Variants in AEBP1 observed in about 807,000 individuals in gnomAD.
AEBP1 encodes AE binding protein 1.
AEBP1 carries 69 observed loss-of-function variants against 116.5 expected under a neutral mutation model. The ratio of observed to expected loss-of-function variants is 0.59; its 90% confidence interval spans 0.49 to 0.72. AEBP1 has a LOEUF of 0.72. AEBP1 is among the 30% of genes least tolerant of loss of function. AEBP1 has a pLI of 0.00. For missense variants in AEBP1, 1,444 were observed against 1,557.5 expected, an observed-to-expected ratio of 0.93 and a Z score of 1.23; for synonymous variants, 627 against 627.3, an observed-to-expected ratio of 1.00 and a Z score of 0.01.
In AEBP1 at chr7:44,109,191, G is replaced by A. The variant is rs2128808539; in HGVS notation, c.1096+7G>A. The A allele has an allele frequency of 6.2e-6, 10 of 1,613,736 alleles. No individual in the cohort carries two copies. The highest frequency in any genetic ancestry group is 8.5e-6 in the Non-Finnish European group (10 of 1,179,974). ...AAGGGCAAGGACCACAAAGGTGTGT[G>A]GCTGGGGCTTGGGGCCTGGGTCCCT... On this transcript the variant is annotated splice_region_variant and intron_variant, in intron 8 of 20. Coordinates refer to ENST00000223357, the MANE Select transcript of AEBP1 (RefSeq NM_001129.5).
At position 44,112,758 on chromosome 7, in the gene AEBP1, T is replaced by C. The variant is rs1321862950; in HGVS notation, c.2418T>C (p.Thr806=). The C allele has an allele frequency of 6.2e-7, 1 of 1,613,066 alleles. No homozygotes were observed. The highest frequency in any genetic ancestry group is 2.2e-5 in the East Asian group (1 of 44,878). ...DEDEVSEAQE[T]PDHAIFRWLA... The stretch of plus-strand genomic sequence containing the variant: ...ACGAGGTCTCCGAGGCCCAGGAGAC[T>C]CCAGACCACGCCATCTTCCGGTGGC... The change falls in exon 18 of 21, where the codon ACT becomes ACC. Residue 806 remains threonine (T), a synonymous_variant. Transcript: ENST00000223357. The surrounding 1 kb of genome is among the most constrained non-coding windows in gnomAD (Gnocchi z 6.6).
chr7:44,111,613 C>A lies in AEBP1; in HGVS notation c.1823C>A (p.Pro608His), dbSNP rs1271790813. 1 of 1,613,178 alleles carries A rather than the reference C, an allele frequency of 6.2e-7. No homozygotes were observed. ...TATGCCATGGAGATCTCAGACAACC[C>A]TGGGGAGCATGAACTGGGTGAGGGT... ...KIYAMEISDN[P>H]GEHELGEPEF... Residue 608 changes from proline to histidine, a missense_variant, in exon 15 of 21, where the codon CCT (proline) becomes CAT (histidine). By Grantham distance (77) the Pro-to-His change is moderately conservative. Transcript: ENST00000223357. This position sits in a 1 kb window ranked among gnomAD's most constrained non-coding sequence, Gnocchi z 4.7.
rs1009853021 is a variant in AEBP1, at chr7:44,108,638, C to T, written c.941-261C>T. Among the ~76,000 whole-genome samples the T allele has an allele frequency of 3.3e-5, 5 of 152,188 alleles. No individual in the cohort carries two copies. Among genetic ancestry groups the T allele is most frequent in the African/African-American group, 9.7e-5 (4 of 41,440 alleles). On this transcript the variant is annotated intron_variant, in intron 6 of 20. Coordinates refer to ENST00000223357, the MANE Select transcript of AEBP1 (RefSeq NM_001129.5). The surrounding 1 kb of genome is among the most constrained non-coding windows in gnomAD (Gnocchi z 5.0). ...GCCAGTTGTCCCTCCAGGCCTTTCC[C>T]ATGCCCTGGGCCTCGAGTCCTTTCC...
In AEBP1 at chr7:44,108,919, C is replaced by T; in HGVS notation, c.961C>T (p.Pro321Ser). Reference sequence around the variant, plus strand: ...CATAGTGGACTATTACTTTGGGCCTCCTCCGCCCCAGAAGCCCGATGCTGA... The same window carrying T: ...CATAGTGGACTATTACTTTGGGCCTTCTCCGCCCCAGAAGCCCGATGCTGA... ...YDDMDYYFGP[P>S]PPQKPDAERQ... is the part of the protein sequence containing the mutation. Residue 321 changes from proline (P) to serine (S), a missense_variant, in exon 7 of 21, where the codon CCT becomes TCT. Pro to Ser is a moderately conservative substitution (Grantham distance 74). Coordinates refer to ENST00000223357, the MANE Select transcript of AEBP1 (RefSeq NM_001129.5). This position sits in a 1 kb window ranked among gnomAD's most constrained non-coding sequence, Gnocchi z 5.0. 6.3e-7 allele frequency: 1 copy of T among 1,591,034 alleles called. No homozygotes were observed. Among genetic ancestry groups the T allele is most frequent in the South Asian group, 1.1e-5 (1 of 87,698 alleles).
At position 44,107,967 on chromosome 7, in the gene AEBP1, A is replaced by AT. The variant is rs760381088; in HGVS notation, c.862+36_862+37insT. The AT allele has an allele frequency of 5.7e-4, 802 of 1,413,048 alleles. 9 individuals carry two copies. The African/African-American group carries it at 0.019, about 34-fold the overall frequency. 87.5% of individuals were successfully genotyped at this position (1,413,048 alleles called of 1,614,324 possible). A position where few individuals can be genotyped will look rare whatever the true frequency, so the allele number is the denominator to read the frequency against. On this transcript the variant is annotated intron_variant, in intron 5 of 20. Transcript: ENST00000223357. This position sits in a 1 kb window ranked among gnomAD's most constrained non-coding sequence, Gnocchi z 4.3. ...GGGCAGGAGAGGAGGTGCCATGGCC[A>AT]CGGCGCTCTGGCCCCCTCCTAACCT...
At position 44,104,447 on chromosome 7, in the gene AEBP1, C is replaced by T. The variant is rs1020106789; in HGVS notation, c.-219C>T. Reference sequence around the variant, plus strand: ...GGAGCGCCCCGACCACCCCTGAGCCCCTCTGGCTTCGGAGCCCCCCAGCAC... The same window carrying T: ...GGAGCGCCCCGACCACCCCTGAGCCTCTCTGGCTTCGGAGCCCCCCAGCAC... On this transcript the variant is annotated 5_prime_UTR_variant, in exon 1 of 21. Coordinates refer to ENST00000223357, the MANE Select transcript of AEBP1 (RefSeq NM_001129.5). 9 of 412,902 alleles carry T rather than the reference C, an allele frequency of 2.2e-5. No homozygotes were observed. The highest frequency in any genetic ancestry group is 1.5e-4 in the African/African-American group (7 of 47,634). 25.6% of individuals were successfully genotyped at this position (412,902 alleles called of 1,614,324 possible). A position where few individuals can be genotyped will look rare whatever the true frequency, so the allele number is the denominator to read the frequency against.
chr7:44,107,972 G>T lies in AEBP1; in HGVS notation c.863-35G>T. ...GGAGAGGAGGTGCCATGGCCACGGC[G>T]CTCTGGCCCCCTCCTAACCTCCCCG... On this transcript the variant is annotated intron_variant, in intron 5 of 20. Coordinates refer to ENST00000223357, the MANE Select transcript of AEBP1 (RefSeq NM_001129.5). This position sits in a 1 kb window ranked among gnomAD's most constrained non-coding sequence, Gnocchi z 4.3. 6.6e-7 allele frequency: 1 copy of T among 1,515,000 alleles called. No homozygotes were observed. Among genetic ancestry groups the T allele is most frequent in the Admixed American group, 1.9e-5 (1 of 51,838 alleles). 93.8% of individuals were successfully genotyped at this position (1,515,000 alleles called of 1,614,324 possible). A position where few individuals can be genotyped will look rare whatever the true frequency, so the allele number is the denominator to read the frequency against.
At position 44,113,228 on chromosome 7, in the gene AEBP1, AGCAGCCCTCACCTGC is replaced by A. The variant is rs762452707; in HGVS notation, c.2710-23_2710-9del. On this transcript the variant is annotated splice_polypyrimidine_tract_variant and intron_variant, in intron 19 of 20. Coordinates refer to ENST00000223357, the MANE Select transcript of AEBP1 (RefSeq NM_001129.5). This position sits in a 1 kb window ranked among gnomAD's most constrained non-coding sequence, Gnocchi z 5.3. Reference sequence around the variant, plus strand: ...ACCACATTGGACCTTCCTGAGGACCAGCAGCCCTCACCTGCTTCCCTAGGTGCACCGCGGCATTAA... The same window carrying A: ...ACCACATTGGACCTTCCTGAGGACCATTCCCTAGGTGCACCGCGGCATTAA... The A allele has an allele frequency of 2.5e-6, 4 of 1,613,290 alleles. No individual in the cohort carries two copies. In the East Asian group the frequency reaches 8.9e-5, roughly 36 times the overall value.
rs753375693 is a variant in AEBP1 at position 44,113,776 on chromosome 7, G to C, written c.2992G>C (p.Gly998Arg). Residue 998 changes from glycine (G) to arginine (R), a missense_variant, in exon 21 of 21, where the codon GGG becomes CGG. Transcript: ENST00000223357. This position sits in a 1 kb window ranked among gnomAD's most constrained non-coding sequence, Gnocchi z 5.3. ...KRIREIMAMNGNRPIPHIDPS... is the reference protein window; with the variant it reads ...KRIREIMAMNRNRPIPHIDPS... Reference sequence around the variant, plus strand: ...CATCCGGGAGATCATGGCCATGAACGGGAACCGGCCTATCCCACACATAGA... The same window carrying C: ...CATCCGGGAGATCATGGCCATGAACCGGAACCGGCCTATCCCACACATAGA... 8.7e-6 allele frequency: 14 copies of C among 1,613,914 alleles called. No homozygotes were observed. Among genetic ancestry groups the C allele is most frequent in the Non-Finnish European group, 9.3e-6 (11 of 1,179,960 alleles).
At position 44,107,471 on chromosome 7, in the gene AEBP1, G is replaced by A. The variant is rs745946741; in HGVS notation, c.628G>A (p.Gly210Arg). The A allele has an allele frequency of 6.2e-7, 1 of 1,613,452 alleles. No individual in the cohort carries two copies. Among genetic ancestry groups the A allele is most frequent in the Admixed American group, 1.7e-5 (1 of 60,028 alleles). The change falls in exon 3 of 21, where the codon GGA becomes AGA. Residue 210 changes from glycine (G) to arginine (R), a missense_variant. By Grantham distance (125) the Gly-to-Arg change is moderately radical. Coordinates refer to ENST00000223357, the MANE Select transcript of AEBP1 (RefSeq NM_001129.5). The surrounding 1 kb of genome is among the most constrained non-coding windows in gnomAD (Gnocchi z 4.3). Reference sequence around the variant, plus strand: ...CCTCTCAAATAACTGGCAGAATCCAGGAGAGGAGACCCATGTGGAGGCACG... The same window carrying A: ...CCTCTCAAATAACTGGCAGAATCCAAGAGAGGAGACCCATGTGGAGGCACG... The part of the protein sequence containing the change: ...APLSNNWQNP[G>R]EETHVEAREH...
chr7:44,114,243 G>C lies in AEBP1; in HGVS notation c.3459G>C (p.Val1153=), dbSNP rs1448104902. Residue 1153 remains valine (V), a synonymous_variant, in exon 21 of 21, where the codon GTG becomes GTC. Transcript: ENST00000223357. ...TCACAACAGTAGAGACCTACACAGT[G>C]AACTTTGGGGACTTCTGAGATCAGC... ...FPFTTVETYT[V]NFGDF 2 of 1,613,792 alleles carry C rather than the reference G, an allele frequency of 1.2e-6. No homozygotes were observed. Among genetic ancestry groups the C allele is most frequent in the South Asian group, 2.2e-5 (2 of 91,074 alleles).
chr7:44,111,439 G>A lies in AEBP1; in HGVS notation c.1717-68G>A. On this transcript the variant is annotated intron_variant, in intron 14 of 20. Coordinates refer to ENST00000223357, the MANE Select transcript of AEBP1 (RefSeq NM_001129.5). The surrounding 1 kb of genome is among the most constrained non-coding windows in gnomAD (Gnocchi z 4.7). ...CCTCGCCATAGAGCAGGCCCTGGAAGTGGAAGGGGCATGGTCAGCGGGGGA... is the reference window on the plus strand; with the variant it reads ...CCTCGCCATAGAGCAGGCCCTGGAAATGGAAGGGGCATGGTCAGCGGGGGA... The A allele has an allele frequency of 6.6e-7, 1 of 1,513,282 alleles. No homozygotes were observed. Among genetic ancestry groups the A allele is most frequent in the South Asian group, 1.3e-5 (1 of 76,052 alleles). 93.7% of individuals were successfully genotyped at this position (1,513,282 alleles called of 1,614,324 possible). A position where few individuals can be genotyped will look rare whatever the true frequency, so the allele number is the denominator to read the frequency against.
intron 11 of AEBP1, 34 bp from the exon 12 acceptor site, chr7:44,110,691 A>G (rs2096228387): frequency 2.0e-6 from 3 of 1,500,034 alleles, no homozygotes; most frequent in Non-Finnish European, 2.7e-6. Context: ...TGGGAGGGGG[A>G]AGACCCTTGC....
intron 1 of AEBP1, chr7:44,106,219 C>T (rs2096222701): frequency 3.8e-6 from 2 of 521,806 alleles, no homozygotes; most frequent in Non-Finnish European, 3.7e-6. Context: ...GTGCCCAGAA[C>T]AGAATAGTGG....
intron 2 of AEBP1, 51 bp downstream of exon 2, chr7:44,106,938 T>A: frequency 1.4e-6 from 2 of 1,392,122 alleles, no homozygotes; most frequent in Non-Finnish European, 1.9e-6. Flanking sequence ...CCTGCTCGGG[T>A]GGAGGCAGGG....
At position 44,111,826 on chromosome 7, in the gene AEBP1, G is replaced by A; in HGVS notation, c.1841-28G>A. 1 of 1,603,068 alleles carries A rather than the reference G, an allele frequency of 6.2e-7. No homozygotes were observed. The highest frequency in any genetic ancestry group is 8.5e-7 in the Non-Finnish European group (1 of 1,174,540). On this transcript the variant is annotated intron_variant, in intron 15 of 20. Coordinates refer to ENST00000223357, the MANE Select transcript of AEBP1 (RefSeq NM_001129.5). This position sits in a 1 kb window ranked among gnomAD's most constrained non-coding sequence, Gnocchi z 4.7. ...GCTGCCCTGGGCCTCGGGAGACTGAGTGCTCACTGAGGCTCCCGCCCTTGC... is the reference window on the plus strand; with the variant it reads ...GCTGCCCTGGGCCTCGGGAGACTGAATGCTCACTGAGGCTCCCGCCCTTGC...
Position 44,114,281 on chromosome 7 carries a change from C to T in AEBP1, c.*20C>T. On this transcript the variant is annotated 3_prime_UTR_variant, in exon 21 of 21. Transcript: ENST00000223357. The stretch of plus-strand genomic sequence containing the variant: ...TTCTGAGATCAGCGTCCTACCAAGA[C>T]CCCAGCCCAACTCAAGCTACAGCAG... 12 of 1,611,184 alleles carry T rather than the reference C, an allele frequency of 7.4e-6. No homozygotes were observed. The highest frequency in any genetic ancestry group is 1.3e-5 in the African/African-American group (1 of 74,982).
chr7:44,110,861 G>T (rs1309030060), intron 12 of AEBP1, 52 bp downstream of exon 12: 1 of 1,612,490 alleles, frequency 6.2e-7, no homozygotes, highest in African/African-American at 1.3e-5. Flanking sequence ...TGGGCGAGGG[G>T]TGGGCTCTCA....
In AEBP1 at chr7:44,108,827, C is replaced by A; in HGVS notation, c.941-72C>A. On this transcript the variant is annotated intron_variant, in intron 6 of 20. Coordinates refer to ENST00000223357, the MANE Select transcript of AEBP1 (RefSeq NM_001129.5). The surrounding 1 kb of genome is among the most constrained non-coding windows in gnomAD (Gnocchi z 5.0). ...TCTGGCGCGGTCCTGTCCTGCTGAG[C>A]TCCTGTGGACCCAGGAGCTGAGGCC... 1.4e-6 allele frequency: 2 copies of A among 1,415,716 alleles called. No homozygotes were observed. Among genetic ancestry groups the A allele is most frequent in the Non-Finnish European group, 1.9e-6 (2 of 1,027,246 alleles). The allele number at this position is 1,415,716 out of a possible 1,614,324, so 87.7% of individuals were successfully genotyped here.
Sources: gnomAD v4.1 joint callset for allele counts (sites outside exome capture counted in the v4.1 genomes callset) on GRCh38, gnomAD v4.1.1 for gene constraint, Gnocchi (gnomAD v3.1) non-coding constraint, MANE v1.5 for transcripts, NCBI Gene and HGNC (gene_info 2026-07-23, HGNC 2026-07-21) for gene names.